Variants in KCNMB2 observed in about 807,000 individuals in gnomAD.
The protein encoded by KCNMB2 is potassium calcium-activated channel subfamily M regulatory beta subunit 2.
In KCNMB2, 9 loss-of-function variants were observed where a neutral mutation model predicts 24.5. The observed-to-expected ratio is 0.37, with a 90% CI of 0.22 to 0.64. KCNMB2 has a LOEUF of 0.64. Among genes scored for constraint, KCNMB2 ranks in the 30% least tolerant of loss-of-function variants. KCNMB2 has a pLI of 0.63. For missense variants in KCNMB2, 226 were observed against 284.3 expected (o/e 0.79, Z 1.47); for synonymous variants, 109 against 104.4 (o/e 1.04, Z -0.27).
At chr3:178,753,890 T>G (rs972361678) in intron 1 of KCNMB2, among the ~76,000 whole-genome samples, 1 of 151,962 alleles carries the variant, frequency 6.6e-6, no homozygotes, top group Admixed American at 6.6e-5. Context: ...TCTCTTGAAC[T>G]TATTCCTCCT....
intron 1 of KCNMB2, among the ~76,000 whole-genome samples, chr3:178,646,777 T>C (rs1719939078): frequency 6.6e-6 from 1 of 152,184 alleles, no homozygotes; most frequent in Non-Finnish European, 1.5e-5. Context: ...CAGAATTCAT[T>C]AAAGAACATT....
chr3:178,733,427 T>C (rs1723215664), intron 1 of KCNMB2, among the ~76,000 whole-genome samples: 1 of 152,132 alleles, frequency 6.6e-6, no homozygotes, highest in Admixed American at 6.6e-5. Context: ...AGGCAGCCAA[T>C]GGAAAGTTTT....
intron 1 of KCNMB2, among the ~76,000 whole-genome samples, chr3:178,676,667 G>A (rs1577089830): frequency 6.6e-6 from 1 of 152,254 alleles, no homozygotes; most frequent in East Asian, 1.9e-4. Flanking sequence ...GCCACTTGGA[G>A]GTAAAGTAAC....
At chr3:178,779,917 A>G (rs994614750) in intron 1 of KCNMB2, among the ~76,000 whole-genome samples, 6 of 152,084 alleles carry the variant, frequency 3.9e-5, no homozygotes, top group African/African-American at 1.2e-4. Flanking sequence ...TTCACCTACT[A>G]TTTGGTTTCC....
intron 1 of KCNMB2, among the ~76,000 whole-genome samples, chr3:178,725,327 A>G (rs1209833651): frequency 6.6e-6 from 1 of 152,030 alleles, no homozygotes; most frequent in African/African-American, 2.4e-5. Context: ...CCTATTCAAC[A>G]TAGTACTAGA....
intron 1 of KCNMB2, among the ~76,000 whole-genome samples, chr3:178,706,052 T>C (rs1461065658): frequency 1.3e-5 from 2 of 152,102 alleles, no homozygotes; most frequent in African/African-American, 4.8e-5. Context: ...GAAAATTTTG[T>C]CTTGTCGGAG....
chr3:178,690,987 G>C (rs761992125), intron 1 of KCNMB2, among the ~76,000 whole-genome samples: 20 of 151,936 alleles, frequency 1.3e-4, no homozygotes, highest in Non-Finnish European at 2.6e-4. Flanking sequence ...TCCCAGGCTG[G>C]AGTGCAGTGG....
intron 1 of KCNMB2, among the ~76,000 whole-genome samples, chr3:178,586,085 C>T (rs1056316950): frequency 1.4e-4 from 21 of 152,162 alleles, no homozygotes; most frequent in Non-Finnish European, 2.6e-4. Flanking sequence ...TTTCTCTACC[C>T]TGTCTCTTGC....
intron 1 of KCNMB2, among the ~76,000 whole-genome samples, chr3:178,769,283 C>T (rs1481903601): frequency 6.6e-6 from 1 of 152,134 alleles, no homozygotes; most frequent in Non-Finnish European, 1.5e-5. Context: ...GTATAAAAAG[C>T]TTTCACTGCT....
chr3:178,823,398 G>A (rs952907212), intron 2 of KCNMB2, among the ~76,000 whole-genome samples: 4 of 152,138 alleles, frequency 2.6e-5, no homozygotes, highest in Admixed American at 6.5e-5. Flanking sequence ...AGACAAGGCC[G>A]TGAAATGATG....
intron 1 of KCNMB2, among the ~76,000 whole-genome samples, chr3:178,779,025 C>T (rs1314948384): frequency 6.6e-6 from 1 of 152,122 alleles, no homozygotes; most frequent in Non-Finnish European, 1.5e-5. Context: ...AGCACCATCT[C>T]GTATTGATAC....
In KCNMB2 at chr3:178,842,907, A is replaced by G. The variant is rs771304620; in HGVS notation, c.678A>G (p.Leu226=). The change falls in exon 5 of 5, where the codon CTA becomes CTG. Residue 226 remains leucine, a synonymous_variant. Transcript: ENST00000452583. The part of the protein sequence containing the change: ...MVKLTQYLSL[L]CERIQRINR ...AACTTACACAGTACCTCTCCCTACT[A>G]TGTGAGAGGATCCAACGGATCAATA... 6.2e-7 allele frequency: 1 copy of G among 1,613,102 alleles called. No individual in the cohort carries two copies. The highest frequency in any genetic ancestry group is 1.1e-5 in the South Asian group (1 of 91,024).
intron 1 of KCNMB2, among the ~76,000 whole-genome samples, chr3:178,783,320 T>C (rs1455078856): frequency 6.7e-6 from 1 of 148,596 alleles, no homozygotes; most frequent in African/African-American, 2.5e-5. Context: ...TTTTTCCAAT[T>C]CTGTGAAGAA....
rs933057896 is a variant in KCNMB2 at position 178,796,330 on chromosome 3, C to T, written c.-67-11013C>T. Among the ~76,000 whole-genome samples, 15 of 152,284 alleles carry T rather than the reference C, an allele frequency of 9.9e-5. No homozygotes were observed. The South Asian group carries it at 3.1e-3, about 32-fold the overall frequency. On this transcript the variant is annotated intron_variant, in intron 1 of 4. Coordinates refer to ENST00000452583, the MANE Select transcript of KCNMB2 (RefSeq NM_181361.3). ...AATAATAGCTTCAACACCCCACTTT[C>T]AGTATTGGACAGATTATCCAGACAG...
chr3:178,606,683 G>T lies in KCNMB2; in HGVS notation c.-68+69972G>T, dbSNP rs1368984284. On this transcript the variant is annotated intron_variant, in intron 1 of 4. Coordinates refer to ENST00000452583, the MANE Select transcript of KCNMB2 (RefSeq NM_181361.3). ...AGAAGGACATGATTTGGGGGTGGGG[G>T]CAGAAGCTGAATAATATAGATTGAA... 2.6e-5 allele frequency among the ~76,000 whole-genome samples: 4 copies of T among 152,076 alleles called. No homozygotes were observed. The South Asian group carries it at 6.2e-4, about 24-fold the overall frequency.
chr3:178,740,714 T>C (rs138073336), intron 1 of KCNMB2, among the ~76,000 whole-genome samples: 2 of 152,356 alleles, frequency 1.3e-5, no homozygotes, highest in African/African-American at 4.8e-5. Flanking sequence ...CTGTACCACT[T>C]TCTGCTTCGG....
chr3:178,658,645 C>T (rs1408831447), intron 1 of KCNMB2, among the ~76,000 whole-genome samples: 1 of 152,142 alleles, frequency 6.6e-6, no homozygotes. Context: ...GGATGGTTGC[C>T]TTCCAATCTA....
chr3:178,637,069 G>A (rs1719554152), intron 1 of KCNMB2, among the ~76,000 whole-genome samples: 2 of 152,060 alleles, frequency 1.3e-5, no homozygotes, highest in Non-Finnish European at 2.9e-5. Context: ...ATTCCATGGT[G>A]TATACGTACC....
At chr3:178,761,072 C>G (rs1711854070) in intron 1 of KCNMB2, among the ~76,000 whole-genome samples, 1 of 152,294 alleles carries the variant, frequency 6.6e-6, no homozygotes, top group South Asian at 2.1e-4. Context: ...AGTGGCACAT[C>G]TTTAATTACT....
Sources: gnomAD v4.1 joint callset for allele counts (sites outside exome capture counted in the v4.1 genomes callset) on GRCh38, gnomAD v4.1.1 for gene constraint, MANE v1.5 for transcripts, NCBI Gene and HGNC (gene_info 2026-07-23, HGNC 2026-07-21) for gene names.